The following UVRAG variants were observed in gnomAD, a reference collection of about 807,000 sequenced individuals.
UVRAG encodes UV radiation resistance associated.
In UVRAG, 19 loss-of-function variants were observed where a neutral mutation model predicts 78.0. That is an observed-to-expected ratio of 0.24 (90% confidence interval 0.17 to 0.36). The LOEUF is 0.36. Among genes scored for constraint, UVRAG ranks in the 10% least tolerant of loss-of-function variants. The pLI is 1.00. For missense variants in UVRAG, 740 were observed against 853.8 expected (o/e 0.87, Z 1.66); for synonymous variants, 323 against 324.6 (o/e 1.00, Z 0.05).
At chr11:76,069,461 G>C (rs575304713) in intron 13 of UVRAG, among the ~76,000 whole-genome samples, 1 of 152,310 alleles carries the variant, frequency 6.6e-6, no homozygotes, top group South Asian at 2.1e-4. Flanking sequence ...AAATTCAGGT[G>C]CAGTATAATT....
chr11:76,129,447 T>C (rs1322280887), intron 14 of UVRAG, among the ~76,000 whole-genome samples: 2 of 152,180 alleles, frequency 1.3e-5, no homozygotes, highest in Non-Finnish European at 2.9e-5. Flanking sequence ...TCCTAGGCCC[T>C]TTTTTCTCTC....
chr11:76,044,666 C>T (rs139079454), intron 12 of UVRAG, among the ~76,000 whole-genome samples: 3,035 of 151,870 alleles, frequency 0.02, 51 homozygotes, highest in South Asian at 0.038. Context: ...CCCAGCTACT[C>T]GGGAGGCTGA....
At chr11:76,055,554 A>G (rs1950965946) in intron 12 of UVRAG, among the ~76,000 whole-genome samples, 1 of 152,158 alleles carries the variant, frequency 6.6e-6, no homozygotes, top group African/African-American at 2.4e-5. Flanking sequence ...CTGTTTATCT[A>G]TTATATCAAC....
chr11:76,035,716 G>T (rs186213718), intron 12 of UVRAG, among the ~76,000 whole-genome samples: 32 of 152,248 alleles, frequency 2.1e-4, no homozygotes, highest in Admixed American at 1.9e-3. Context: ...TAAAAGAAAT[G>T]GACAGTTTAA....
At chr11:76,042,714 G>T (rs1950672318) in intron 12 of UVRAG, among the ~76,000 whole-genome samples, 1 of 152,170 alleles carries the variant, frequency 6.6e-6, no homozygotes. Flanking sequence ...TGGTCTGGGT[G>T]CTGGTTTCAT....
chr11:75,960,669 A>G (rs1200219796), intron 6 of UVRAG, among the ~76,000 whole-genome samples: 1 of 152,122 alleles, frequency 6.6e-6, no homozygotes, highest in African/African-American at 2.4e-5. Flanking sequence ...TGGGGGCCTG[A>G]GGTAGGAGAA....
rs115772535 is a variant in UVRAG at position 75,961,643 on chromosome 11, C to A, written c.699+94C>A. On this transcript the variant is annotated intron_variant, in intron 7 of 14. Transcript: ENST00000356136. ...GTTAATTTTAAAAAACGCTTTAGATCGTTTTTATCTTCTTAATTGTCCACA... is the reference window on the plus strand; with the variant it reads ...GTTAATTTTAAAAAACGCTTTAGATAGTTTTTATCTTCTTAATTGTCCACA... The A allele has an allele frequency of 9.9e-6, 9 of 906,572 alleles. No individual in the cohort carries two copies. The East Asian group carries it at 2.3e-4, about 23-fold the overall frequency. The allele number at this position is 906,572 out of a possible 1,614,324, so 56.2% of individuals were successfully genotyped here.
chr11:75,992,032 A>T (rs1949617361), intron 8 of UVRAG, among the ~76,000 whole-genome samples: 1 of 152,180 alleles, frequency 6.6e-6, no homozygotes. Context: ...TACATTAAAG[A>T]TACTATTATT....
chr11:76,001,286 G>GAATGAA (rs1321019264), intron 8 of UVRAG, among the ~76,000 whole-genome samples: 2 of 152,098 alleles, frequency 1.3e-5, no homozygotes, highest in Non-Finnish European at 2.9e-5. Context: ...ATTTTGAAAT[G>GAATGAA]AATGAAAATG....
intron 13 of UVRAG, among the ~76,000 whole-genome samples, chr11:76,113,447 TA>T (rs1032804681): frequency 3.3e-5 from 5 of 152,124 alleles, no homozygotes; most frequent in Non-Finnish European, 7.4e-5. Context: ...AATCTTAATA[TA>T]AGCATATTAT....
At position 76,048,955 on chromosome 11, in the gene UVRAG, G is replaced by T. The variant is rs139516714; in HGVS notation, c.1227-16755G>T. ...AGGCATAGGGCAGCAGGCATAAGCC[G>T]AGGTAAACAGCCCACATGACTCAGC... On this transcript the variant is annotated intron_variant, in intron 12 of 14. Transcript: ENST00000356136. Among the ~76,000 whole-genome samples the T allele has an allele frequency of 4.0e-3, 603 of 152,354 alleles. 3 individuals are homozygous for T. Among genetic ancestry groups the T allele is most frequent in the African/African-American group, 0.014 (578 of 41,578 alleles).
At chr11:75,987,480 T>C (rs534135980) in intron 8 of UVRAG, among the ~76,000 whole-genome samples, 2 of 152,352 alleles carry the variant, frequency 1.3e-5, no homozygotes, top group African/African-American at 4.8e-5. Context: ...ATGATGGCAT[T>C]TTTATTTCTC....
chr11:75,884,071 G>C (rs1947016884), intron 4 of UVRAG, among the ~76,000 whole-genome samples: 1 of 152,090 alleles, frequency 6.6e-6, no homozygotes, highest in African/African-American at 2.4e-5. Context: ...TAATAGTTCT[G>C]TTTGTTTCAC....
At chr11:75,824,847 G>A (rs1945476890) in intron 1 of UVRAG, among the ~76,000 whole-genome samples, 1 of 151,578 alleles carries the variant, frequency 6.6e-6, no homozygotes, top group African/African-American at 2.4e-5. Context: ...CTAATTTTTT[G>A]TATTTTTAGT....
In UVRAG at chr11:75,815,240, G is replaced by A; in HGVS notation, c.-168G>A. ...TATGGCTCTTCCTTAGCCAGCGGCG[G>A]CAACGGCGGCAGCGGCGGCAGCGGC... On this transcript the variant is annotated 5_prime_UTR_variant, in exon 1 of 15. Coordinates refer to ENST00000356136, the MANE Select transcript of UVRAG (RefSeq NM_003369.4). The A allele has an allele frequency of 4.4e-6, 2 of 451,412 alleles. No homozygotes were observed. The highest frequency in any genetic ancestry group is 7.7e-6 in the Non-Finnish European group (2 of 260,386). The allele number at this position is 451,412 out of a possible 1,614,324, so 28.0% of individuals were successfully genotyped here.
At chr11:75,902,523 C>T (rs1306435066) in intron 5 of UVRAG, among the ~76,000 whole-genome samples, 1 of 152,200 alleles carries the variant, frequency 6.6e-6, no homozygotes, top group Non-Finnish European at 1.5e-5. Flanking sequence ...TTAGTGGTTT[C>T]TGACATTTCT....
At chr11:75,978,059 G>T (rs1392248274) in intron 7 of UVRAG, among the ~76,000 whole-genome samples, 4 of 152,150 alleles carry the variant, frequency 2.6e-5, no homozygotes, top group African/African-American at 4.8e-5. Context: ...TGTAGGGCAG[G>T]CCTGGTGGTG....
intron 12 of UVRAG, among the ~76,000 whole-genome samples, chr11:76,028,549 T>G (rs1950374220): frequency 6.6e-6 from 1 of 152,132 alleles, no homozygotes; most frequent in South Asian, 2.1e-4. Flanking sequence ...AAAGTGCTAC[T>G]CCAGTGAACA....
At chr11:76,110,295 A>G (rs948030370) in intron 13 of UVRAG, among the ~76,000 whole-genome samples, 2 of 151,384 alleles carry the variant, frequency 1.3e-5, no homozygotes, top group Admixed American at 1.3e-4. Flanking sequence ...ATTATTTTGG[A>G]TAGTCTATAT....
Sources: allele counts gnomAD v4.1 joint callset (sites outside exome capture counted in the v4.1 genomes callset), GRCh38; gene constraint gnomAD v4.1.1; transcripts MANE v1.5; gene names NCBI Gene and HGNC (gene_info 2026-07-23, HGNC 2026-07-21).